PPA2: variants seen among roughly 807,000 people sequenced by gnomAD.
PPA2 encodes the protein inorganic pyrophosphatase 2, mitochondrial.
In PPA2, 48 loss-of-function variants were observed where a neutral mutation model predicts 49.5. That is an observed-to-expected ratio of 0.97 (90% CI 0.77 to 1.23). The LOEUF is 1.23. PPA2 is among the 50% of genes most tolerant of loss of function. PPA2 has a pLI of 0.00. For missense variants in PPA2, 429 were observed against 410.1 expected, an observed-to-expected ratio of 1.05 and a Z score of -0.40; for synonymous variants, 131 against 139.9, an observed-to-expected ratio of 0.94 and a Z score of 0.45.
chr4:105,394,203 C>T (rs139609838), intron 9 of PPA2, among the ~76,000 whole-genome samples: 8 of 151,846 alleles, frequency 5.3e-5, no homozygotes, highest in African/African-American at 9.7e-5. Flanking sequence ...TCCGTCTCTA[C>T]TAAAAATACA....
At chr4:105,435,750 T>C (rs1724026068) in intron 6 of PPA2, among the ~76,000 whole-genome samples, 1 of 152,112 alleles carries the variant, frequency 6.6e-6, no homozygotes, top group Non-Finnish European at 1.5e-5. Context: ...GTGATAAAAT[T>C]CAACATTCCT....
intron 7 of PPA2, among the ~76,000 whole-genome samples, chr4:105,422,957 G>A (rs140884166): frequency 6.6e-6 from 1 of 152,146 alleles, no homozygotes; most frequent in East Asian, 1.9e-4. Context: ...GATTTGTTTC[G>A]GCTGCCTGTG....
At chr4:105,380,012 T>C (rs1733422339) in intron 10 of PPA2, among the ~76,000 whole-genome samples, 1 of 152,202 alleles carries the variant, frequency 6.6e-6, no homozygotes, top group Non-Finnish European at 1.5e-5. Flanking sequence ...AGGTAGAATT[T>C]GTTGAACTTG....
intron 7 of PPA2, among the ~76,000 whole-genome samples, chr4:105,419,441 C>A (rs1394374326): frequency 6.6e-6 from 1 of 152,034 alleles, no homozygotes; most frequent in Non-Finnish European, 1.5e-5. Flanking sequence ...GCTGAAGTGA[C>A]CAATTTTGTA....
intron 7 of PPA2, among the ~76,000 whole-genome samples, chr4:105,417,731 G>A (rs1451813405): frequency 6.6e-6 from 1 of 152,146 alleles, no homozygotes; most frequent in Non-Finnish European, 1.5e-5. Context: ...AGAGGAATAT[G>A]ATCAAAAGAG....
intron 7 of PPA2, among the ~76,000 whole-genome samples, chr4:105,410,767 C>T (rs1335926969): frequency 6.6e-6 from 1 of 152,166 alleles, no homozygotes; most frequent in Admixed American, 6.5e-5. Flanking sequence ...ATTCAACATT[C>T]TTAAAGAAAA....
At chr4:105,391,171 A>G (rs1733902265) in intron 9 of PPA2, among the ~76,000 whole-genome samples, 1 of 150,718 alleles carries the variant, frequency 6.6e-6, no homozygotes, top group African/African-American at 2.4e-5. Flanking sequence ...AACAACACAC[A>G]CTGGGGCCTG....
chr4:105,470,270 T>G (rs1441349742), intron 1 of PPA2, among the ~76,000 whole-genome samples: 1 of 152,254 alleles, frequency 6.6e-6, no homozygotes, highest in Non-Finnish European at 1.5e-5. Context: ...TAAGTGAGTC[T>G]AACTTCATTA....
intron 6 of PPA2, among the ~76,000 whole-genome samples, chr4:105,429,888 A>C (rs761213197): frequency 1.3e-5 from 2 of 152,236 alleles, no homozygotes; most frequent in African/African-American, 2.4e-5. Context: ...AACAGGTTTC[A>C]TAAAATATTT....
At chr4:105,453,398 A>G (rs1258710149) in intron 3 of PPA2, among the ~76,000 whole-genome samples, 200 bp downstream of exon 3, 1 of 152,018 alleles carries the variant, frequency 6.6e-6, no homozygotes, top group Non-Finnish European at 1.5e-5. Flanking sequence ...GGTAAACCTT[A>G]TGTTATGAAT....
chr4:105,456,459 T>C (rs1013878224), intron 2 of PPA2: 4 of 507,808 alleles, frequency 7.9e-6, no homozygotes, highest in South Asian at 2.1e-5. Flanking sequence ...AATTCTAAGT[T>C]TTATGTACCA....
intron 4 of PPA2, among the ~76,000 whole-genome samples, chr4:105,447,476 T>C (rs1722443566): frequency 6.6e-6 from 1 of 152,204 alleles, no homozygotes; most frequent in Non-Finnish European, 1.5e-5. Context: ...CACAACTTGA[T>C]GAGTATAGTT....
chr4:105,397,260 T>C (rs1734186398), intron 8 of PPA2, among the ~76,000 whole-genome samples: 1 of 152,166 alleles, frequency 6.6e-6, no homozygotes, highest in South Asian at 2.1e-4. Context: ...AAATTTATCC[T>C]CTGAAAAGAG....
chr4:105,393,292 G>A (rs1015224521), intron 9 of PPA2, among the ~76,000 whole-genome samples: 1 of 151,690 alleles, frequency 6.6e-6, no homozygotes, highest in South Asian at 2.1e-4. Context: ...CCAGGAGTTC[G>A]TGAATATCCC....
intron 1 of PPA2, among the ~76,000 whole-genome samples, chr4:105,470,366 G>C (rs755053792): frequency 5.5e-4 from 84 of 152,210 alleles, no homozygotes; most frequent in Non-Finnish European, 1.1e-3. Context: ...CATGCCTGTA[G>C]TCCCAGCTAC....
chr4:105,394,373 CAAAAAA>C (rs34736301), intron 9 of PPA2, among the ~76,000 whole-genome samples: 12 of 96,902 alleles, frequency 1.2e-4, no homozygotes, highest in Non-Finnish European at 2.0e-4. Context: ...GATTCCATTT[CAAAAAA>C]AAAAAAAAAA....
rs771537412 is a variant in PPA2, at chr4:105,388,825, C to CA, written c.870-2190dup. Among the ~76,000 whole-genome samples, 39 of 56,848 alleles carry CA rather than the reference C, an allele frequency of 6.9e-4. 2 individuals are homozygous for CA. The highest frequency in any genetic ancestry group is 9.1e-4 in the African/African-American group (18 of 19,712). The allele number at this position is 56,848 out of a possible 152,430, so 37.3% of individuals were successfully genotyped here. ...GGGTGACAGAGCAAGGCAACGTCTCCAAAAAAAAAAGAAAAAAAAAAAAAT... is the reference window on the plus strand; with the variant it reads ...GGGTGACAGAGCAAGGCAACGTCTCCAAAAAAAAAAAGAAAAAAAAAAAAAT... On this transcript the variant is annotated intron_variant, in intron 9 of 11. Coordinates refer to ENST00000341695, the MANE Select transcript of PPA2 (RefSeq NM_176869.3).
chr4:105,415,304 A>C (rs1722956012), intron 7 of PPA2, among the ~76,000 whole-genome samples: 1 of 152,188 alleles, frequency 6.6e-6, no homozygotes, highest in Admixed American at 6.5e-5. Context: ...GTTTGTGCCA[A>C]GCGGCACCTA....
At chr4:105,389,925 A>G (rs1733845064) in intron 9 of PPA2, among the ~76,000 whole-genome samples, 1 of 152,188 alleles carries the variant, frequency 6.6e-6, no homozygotes, top group South Asian at 2.1e-4. Flanking sequence ...AAAACAACTG[A>G]GGCTATCAAT....
Sources: gnomAD v4.1 joint callset for allele counts (sites outside exome capture counted in the v4.1 genomes callset) on GRCh38, gnomAD v4.1.1 for gene constraint, MANE v1.5 for transcripts, NCBI Gene and HGNC (gene_info 2026-07-23, HGNC 2026-07-21) for gene names.